LRRTM4: variants seen among roughly 807,000 people sequenced by gnomAD.
The protein encoded by LRRTM4 is leucine-rich repeat transmembrane neuronal protein 4.
A neutral mutation model predicts 47.6 loss-of-function variants in LRRTM4; 25 were observed. The ratio of observed to expected loss-of-function variants is 0.53; its 90% CI spans 0.38 to 0.73. LRRTM4 has a LOEUF of 0.73. Among genes scored for constraint, LRRTM4 ranks in the 30% least tolerant of loss-of-function variants. The probability of loss-of-function intolerance (pLI) is 0.00; values close to 1 mark genes in which losing one functional copy is unlikely to be tolerated. For synonymous variants in LRRTM4, 311 were observed against 269.5 expected, an observed-to-expected ratio of 1.15 and a Z score of -1.51; for missense variants, 638 against 713.4, an observed-to-expected ratio of 0.89 and a Z score of 1.20.
intron 3 of LRRTM4, among the ~76,000 whole-genome samples, chr2:77,432,900 C>A (rs1014880952): frequency 2.0e-5 from 3 of 152,144 alleles, no homozygotes; most frequent in African/African-American, 7.2e-5. Flanking sequence ...CTAAGATTTT[C>A]TTTGCTTTGC....
chr2:77,361,693 G>C (rs1240248454), intron 3 of LRRTM4, among the ~76,000 whole-genome samples: 1 of 152,122 alleles, frequency 6.6e-6, no homozygotes, highest in Non-Finnish European at 1.5e-5. Context: ...CAAAATATAG[G>C]CTTGGTGATG....
intron 3 of LRRTM4, among the ~76,000 whole-genome samples, chr2:77,286,325 A>G (rs1676656685): frequency 6.6e-6 from 1 of 152,048 alleles, no homozygotes; most frequent in Admixed American, 6.6e-5. Flanking sequence ...ACATAGTCAA[A>G]GCTCACATTA....
intron 3 of LRRTM4, among the ~76,000 whole-genome samples, chr2:77,122,987 A>G (rs1363491531): frequency 6.6e-6 from 1 of 151,942 alleles, no homozygotes; most frequent in Non-Finnish European, 1.5e-5. Flanking sequence ...AGACTCTATA[A>G]TAAAAATTAC....
At chr2:77,122,117 A>G (rs1671535377) in intron 3 of LRRTM4, among the ~76,000 whole-genome samples, 1 of 151,770 alleles carries the variant, frequency 6.6e-6, no homozygotes, top group Admixed American at 6.6e-5. Flanking sequence ...TCTTTTAACA[A>G]CATTTATACT....
intron 3 of LRRTM4, among the ~76,000 whole-genome samples, chr2:76,816,840 T>G (rs1670914363): frequency 1.5e-5 from 2 of 136,784 alleles, no homozygotes; most frequent in East Asian, 2.0e-4. Context: ...TTTTTTTTTT[T>G]TTTTTTTTTT....
At chr2:77,230,167 G>A (rs996303939) in intron 3 of LRRTM4, among the ~76,000 whole-genome samples, 1 of 152,110 alleles carries the variant, frequency 6.6e-6, no homozygotes, top group Non-Finnish European at 1.5e-5. Flanking sequence ...ATATAAACAA[G>A]TCATATCCTT....
At chr2:76,851,701 C>T (rs567458336) in intron 3 of LRRTM4, among the ~76,000 whole-genome samples, 2 of 150,880 alleles carry the variant, frequency 1.3e-5, no homozygotes, top group South Asian at 4.2e-4. Context: ...TCTTAAAGAC[C>T]AGAAATGTTC....
chr2:77,309,814 G>A (rs1047792347), intron 3 of LRRTM4, among the ~76,000 whole-genome samples: 2 of 152,212 alleles, frequency 1.3e-5, no homozygotes, highest in African/African-American at 2.4e-5. Flanking sequence ...TAGTATGGAA[G>A]ATTATGCAGC....
chr2:77,294,714 A>G (rs1676923466), intron 3 of LRRTM4, among the ~76,000 whole-genome samples: 1 of 152,070 alleles, frequency 6.6e-6, no homozygotes, highest in Non-Finnish European at 1.5e-5. Flanking sequence ...TGGATATTGT[A>G]TTTCACTACA....
chr2:76,757,520 G>C (rs866366771), intron 3 of LRRTM4, among the ~76,000 whole-genome samples: 12 of 152,064 alleles, frequency 7.9e-5, no homozygotes, highest in Non-Finnish European at 1.8e-4. Flanking sequence ...TATTCAGTGA[G>C]GTTTTAGGCT....
intron 3 of LRRTM4, among the ~76,000 whole-genome samples, chr2:76,831,813 T>TA (rs906213853): frequency 5.3e-5 from 8 of 152,040 alleles, no homozygotes; most frequent in South Asian, 2.1e-4. Context: ...TAGCTTTTTT[T>TA]AAAAAAAATT....
chr2:77,034,792 A>G (rs924470341), intron 3 of LRRTM4, among the ~76,000 whole-genome samples: 1 of 151,944 alleles, frequency 6.6e-6, no homozygotes, highest in Admixed American at 6.6e-5. Flanking sequence ...GCCTGTATTC[A>G]GTAATCTTTT....
intron 3 of LRRTM4, among the ~76,000 whole-genome samples, chr2:77,047,883 T>G (rs1331840116): frequency 1.3e-5 from 2 of 152,124 alleles, no homozygotes; most frequent in East Asian, 3.9e-4. Flanking sequence ...GCATACTTAT[T>G]CTTTGTCAAG....
At chr2:77,268,576 C>G (rs1676113252) in intron 3 of LRRTM4, among the ~76,000 whole-genome samples, 1 of 152,090 alleles carries the variant, frequency 6.6e-6, no homozygotes, top group Non-Finnish European at 1.5e-5. Context: ...ATCAAGTGAT[C>G]TTTTTAAATT....
At chr2:77,468,074 T>C (rs1230632474) in intron 3 of LRRTM4, among the ~76,000 whole-genome samples, 2 of 152,196 alleles carry the variant, frequency 1.3e-5, no homozygotes, top group African/African-American at 4.8e-5. Flanking sequence ...GTTTTCATGC[T>C]GTTACAAATA....
chr2:77,001,416 G>A (rs1677423198), intron 3 of LRRTM4, among the ~76,000 whole-genome samples: 1 of 152,230 alleles, frequency 6.6e-6, no homozygotes, highest in East Asian at 1.9e-4. Flanking sequence ...ACCTCAACAA[G>A]CCAACCATAT....
At chr2:77,310,323 C>T (rs945980450) in intron 3 of LRRTM4, among the ~76,000 whole-genome samples, 7 of 151,760 alleles carry the variant, frequency 4.6e-5, no homozygotes, top group African/African-American at 1.5e-4. Flanking sequence ...TATATACACA[C>T]ACATACATAT....
In LRRTM4 at chr2:76,795,719, C is replaced by T. The variant is rs114290157; in HGVS notation, c.1552-46803G>A. Among the ~76,000 whole-genome samples the T allele has an allele frequency of 1.8e-3, 274 of 152,140 alleles. 1 individual carries two copies. Among genetic ancestry groups the T allele is most frequent in the African/African-American group, 6.0e-3 (249 of 41,490 alleles). Reference sequence around the variant, plus strand: ...AGCTATATCTTCTACATACTGATGTCGTTTCCTTTGGATACTCATTTTATG... The same window carrying T: ...AGCTATATCTTCTACATACTGATGTTGTTTCCTTTGGATACTCATTTTATG... On this transcript the variant is annotated intron_variant, in intron 3 of 3. Coordinates refer to ENST00000409884, the MANE Select transcript of LRRTM4 (RefSeq NM_001134745.3).
At chr2:77,301,429 A>G (rs1193588108) in intron 3 of LRRTM4, among the ~76,000 whole-genome samples, 5 of 152,088 alleles carry the variant, frequency 3.3e-5, no homozygotes, top group Non-Finnish European at 5.9e-5. Context: ...GAGGTTTTCC[A>G]TTTGGATGGT....
Sources: allele counts gnomAD v4.1 joint callset (sites outside exome capture counted in the v4.1 genomes callset), GRCh38; gene constraint gnomAD v4.1.1; transcripts MANE v1.5; gene names NCBI Gene and HGNC (gene_info 2026-07-23, HGNC 2026-07-21).